TKFC: variants seen among roughly 807,000 people sequenced by gnomAD.
TKFC encodes the protein triokinase and FMN cyclase.
In TKFC, 46 loss-of-function variants were observed where a neutral mutation model predicts 61.0. The observed-to-expected ratio is 0.75, with a 90% CI of 0.60 to 0.96. TKFC has a LOEUF of 0.96. Ranked by LOEUF, TKFC falls within the 50% of genes least tolerant of loss-of-function variation. The probability of loss-of-function intolerance (pLI) is 0.00; values close to 1 mark genes in which losing one functional copy is unlikely to be tolerated. For synonymous variants in TKFC, 314 were observed against 330.1 expected (o/e 0.95, Z 0.53); for missense variants, 715 against 777.5 (o/e 0.92, Z 0.96).
chr11:61,351,057 C>T (rs778736934), downstream of TKFC: 9 of 1,613,876 alleles, frequency 5.6e-6, no homozygotes, highest in Admixed American at 1.5e-4. Context: ...TGTAGAGCAC[C>T]AGCAGCCCAA....
At position 61,345,757 on chromosome 11, in the gene TKFC, G is replaced by C. The variant is rs968207724; in HGVS notation, c.1485+12G>C. On this transcript the variant is annotated intron_variant, in intron 16 of 17. Coordinates refer to ENST00000394900, the MANE Select transcript of TKFC (RefSeq NM_015533.4). ...GGGACAGGACTATGGTATGTACTCAGGCTGTGGCCTCAGACCTTTCTCCTT... is the reference window on the plus strand; with the variant it reads ...GGGACAGGACTATGGTATGTACTCACGCTGTGGCCTCAGACCTTTCTCCTT... 6.2e-7 allele frequency: 1 copy of C among 1,614,218 alleles called. No homozygotes were observed.
chr11:61,348,021 G>A lies in TKFC; in HGVS notation c.*1518G>A. ...TCACCTACTTGGCCCAAATTTGGCT[G>A]CAGGCTCCCCGAGTGCCTGGGCTTC... On this transcript the variant is annotated 3_prime_UTR_variant, in exon 18 of 18. Coordinates refer to ENST00000394900, the MANE Select transcript of TKFC (RefSeq NM_015533.4). The A allele has an allele frequency of 7.1e-6, 7 of 985,462 alleles. No individual in the cohort carries two copies. The highest frequency in any genetic ancestry group is 8.4e-6 in the Non-Finnish European group (7 of 829,988). The allele number at this position is 985,462 out of a possible 1,614,324, so 61.0% of individuals were successfully genotyped here.
At chr11:61,337,083 G>T (rs1218752221) in intron 2 of TKFC, among the ~76,000 whole-genome samples, 1 of 152,212 alleles carries the variant, frequency 6.6e-6, no homozygotes, top group Non-Finnish European at 1.5e-5. Flanking sequence ...TCGTGTAGCA[G>T]TGCCCACTAC....
chr11:61,352,683 G>T, downstream of TKFC: 1 of 640,380 alleles, frequency 1.6e-6, no homozygotes, highest in Non-Finnish European at 2.2e-6. Context: ...AAAAGAAAAT[G>T]GCAATGACAA....
Position 61,346,475 on chromosome 11 carries a change from G to C in TKFC, c.1700G>C (p.Arg567Pro). Residue 567 changes from arginine (R) to proline (P), a missense_variant, in exon 18 of 18, where the codon CGG (arginine) becomes CCG (proline). Transcript: ENST00000394900. This position sits in a 1 kb window ranked among gnomAD's most constrained non-coding sequence, Gnocchi z 4.1. The part of the protein sequence containing the change: ...PGAVAAAAIL[R>P]AILEVLQS ...GCGGTGGCAGCTGCTGCCATCCTCCGGGCCATCTTGGAGGTCTTGCAGAGC... is the reference window on the plus strand; with the variant it reads ...GCGGTGGCAGCTGCTGCCATCCTCCCGGCCATCTTGGAGGTCTTGCAGAGC... 2 of 1,608,664 alleles carry C rather than the reference G, an allele frequency of 1.2e-6. No individual in the cohort carries two copies. Among genetic ancestry groups the C allele is most frequent in the Non-Finnish European group, 1.7e-6 (2 of 1,179,008 alleles).
Position 61,345,479 on chromosome 11 carries a change from G to A in TKFC, c.1365G>A (p.Leu455=). 6.2e-7 allele frequency: 1 copy of A among 1,613,382 alleles called. No individual in the cohort carries two copies. The highest frequency in any genetic ancestry group is 8.5e-7 in the Non-Finnish European group (1 of 1,180,024). The change falls in exon 15 of 18, where the codon CTG becomes CTA. Residue 455 remains leucine (L), a synonymous_variant. Transcript: ENST00000394900. ...TTCCCCAGCTCTATGGCCTGTTCCT[G>A]ACTGCGGCTGCACAGCCCCTGAAGG... ...GSSGALYGLF[L]TAAAQPLKAK...
At chr11:61,344,408 C>T in intron 13 of TKFC, 135 bp downstream of exon 13, 1 of 1,237,682 alleles carries the variant, frequency 8.1e-7, no homozygotes, top group Non-Finnish European at 1.1e-6. Flanking sequence ...TGTCGCTAGG[C>T]TGGAGTATGC....
At chr11:61,350,507 C>G (rs1857348302), downstream of TKFC, 1 of 1,547,560 alleles carries the variant, frequency 6.5e-7, no homozygotes, top group African/African-American at 1.4e-5. Context: ...GACCCCCAGC[C>G]TGCAGGGTGG....
intron 11 of TKFC, 145 bp from the exon 12 acceptor site, chr11:61,343,711 C>A: frequency 8.0e-7 from 1 of 1,242,572 alleles, no homozygotes; most frequent in East Asian, 2.3e-5. Flanking sequence ...ACAGTAGGCA[C>A]TCAGTCCATG....
Position 61,347,055 on chromosome 11 carries a change from C to T in TKFC, c.*552C>T. On this transcript the variant is annotated 3_prime_UTR_variant, in exon 18 of 18. Transcript: ENST00000394900. ...CTGAGCCCCTAAGGCAGTGTCTCCT[C>T]AGCTGGGCTGCTTCCACTGAGACCC... 1.0e-6 allele frequency: 1 copy of T among 985,814 alleles called. No homozygotes were observed. The allele number at this position is 985,814 out of a possible 1,614,324, so 61.1% of individuals were successfully genotyped here.
intron 3 of TKFC, among the ~76,000 whole-genome samples, chr11:61,338,602 G>C (rs562533816): frequency 6.6e-6 from 1 of 152,260 alleles, no homozygotes; most frequent in Non-Finnish European, 1.5e-5. Flanking sequence ...TCATTTCTCT[G>C]CTTCCTGTCT....
In TKFC at chr11:61,348,556, G is replaced by C; in HGVS notation, c.*2053G>C. ...GCTCACCCCCACTATGGTAGTGTTA[G>C]GACGTGGGGCCTTTGGGAGGTGATG... On this transcript the variant is annotated 3_prime_UTR_variant, in exon 18 of 18. Transcript: ENST00000394900. 3 of 950,444 alleles carry C rather than the reference G, an allele frequency of 3.2e-6. No individual in the cohort carries two copies. The highest frequency in any genetic ancestry group is 3.8e-6 in the Non-Finnish European group (3 of 797,894). The allele number at this position is 950,444 out of a possible 1,614,324, so 58.9% of individuals were successfully genotyped here. A position where few individuals can be genotyped will look rare whatever the true frequency, so the allele number is the denominator to read the frequency against.
In TKFC at chr11:61,346,108, G is replaced by C; in HGVS notation, c.1575+162G>C. Reference sequence around the variant, plus strand: ...TCTCAGAAGGTGGTTATGTGGCTAAGGAAATATGTAGAGCCCCGCACACTG... The same window carrying C: ...TCTCAGAAGGTGGTTATGTGGCTAACGAAATATGTAGAGCCCCGCACACTG... On this transcript the variant is annotated intron_variant, in intron 17 of 17. Transcript: ENST00000394900. The surrounding 1 kb of genome is among the most constrained non-coding windows in gnomAD (Gnocchi z 4.1). The C allele has an allele frequency of 8.7e-7, 1 of 1,153,466 alleles. No homozygotes were observed. Among genetic ancestry groups the C allele is most frequent in the Non-Finnish European group, 1.2e-6 (1 of 834,668 alleles). 71.5% of individuals were successfully genotyped at this position (1,153,466 alleles called of 1,614,324 possible).
At chr11:61,349,750 G>A (rs982250574), downstream of TKFC, 14 of 665,022 alleles carry the variant, frequency 2.1e-5, no homozygotes, top group African/African-American at 1.1e-4. Context: ...TGCGTGGGCC[G>A]CCACTCCCCC....
chr11:61,349,878 G>C, downstream of TKFC: 1 of 548,466 alleles, frequency 1.8e-6, no homozygotes, highest in Non-Finnish European at 3.3e-6. Context: ...ACACCTTTAT[G>C]GGGGAAGTGG....
At chr11:61,350,387 C>G (rs566500967), downstream of TKFC, 22 of 1,608,404 alleles carry the variant, frequency 1.4e-5, no homozygotes, top group South Asian at 2.1e-4. Flanking sequence ...TTGGGAGCCC[C>G]TTCCTGCTGC....
rs903580419 is a variant in TKFC, at chr11:61,346,471, C to A, written c.1696C>A (p.Leu566Ile). 6.2e-7 allele frequency: 1 copy of A among 1,609,208 alleles called. No individual in the cohort carries two copies. Among genetic ancestry groups the A allele is most frequent in the Admixed American group, 1.7e-5 (1 of 59,992 alleles). ...CGGGGCGGTGGCAGCTGCTGCCATC[C>A]TCCGGGCCATCTTGGAGGTCTTGCA... Reference protein sequence around the residue: ...DPGAVAAAAILRAILEVLQS With the variant: ...DPGAVAAAAIIRAILEVLQS Residue 566 changes from leucine (L) to isoleucine (I), a missense_variant, in exon 18 of 18, where the codon CTC becomes ATC. Physicochemically the swap from Leu to Ile is conservative, Grantham distance 5 (BLOSUM62 2). Transcript: ENST00000394900. This position sits in a 1 kb window ranked among gnomAD's most constrained non-coding sequence, Gnocchi z 4.1.
chr11:61,333,769 C>A (rs981464966), intron 1 of TKFC: 1 of 152,228 alleles, frequency 6.6e-6, no homozygotes, highest in Non-Finnish European at 1.5e-5. Flanking sequence ...AGCCCTGCAG[C>A]CTCCAGGGTA....
chr11:61,347,184 A>G lies in TKFC; in HGVS notation c.*681A>G, dbSNP rs1364691316. 1.0e-5 allele frequency: 10 copies of G among 985,342 alleles called. No individual in the cohort carries two copies. Among genetic ancestry groups the G allele is most frequent in the Non-Finnish European group, 1.1e-5 (9 of 829,976 alleles). The allele number at this position is 985,342 out of a possible 1,614,324, so 61.0% of individuals were successfully genotyped here. On this transcript the variant is annotated 3_prime_UTR_variant, in exon 18 of 18. Coordinates refer to ENST00000394900, the MANE Select transcript of TKFC (RefSeq NM_015533.4). ...AATTCAGTGGCTCCTCGGGAGTCGA[A>G]TGGGCATTTGGGACACCAGAAGGAA... is the stretch of plus-strand genomic sequence containing the variant.
Sources: gnomAD v4.1 joint callset for allele counts (sites outside exome capture counted in the v4.1 genomes callset) on GRCh38, gnomAD v4.1.1 for gene constraint, Gnocchi (gnomAD v3.1) non-coding constraint, MANE v1.5 for transcripts, NCBI Gene and HGNC (gene_info 2026-07-23, HGNC 2026-07-21) for gene names.